Variants in FOCAD observed in about 807,000 individuals in gnomAD.
FOCAD encodes the protein focadhesin, also known as KIAA1797.
In FOCAD, 198 loss-of-function variants were observed where a neutral mutation model predicts 225.6. The observed-to-expected ratio is 0.88, with a 90% CI of 0.78 to 0.99. The LOEUF (loss-of-function observed/expected upper bound fraction) is 0.99. FOCAD is among the 50% of genes least tolerant of loss of function. The pLI, the probability that FOCAD is intolerant of heterozygous loss-of-function variation, is 0.00. For missense variants in FOCAD, 2,713 were observed against 2,123.6 expected (o/e 1.28, Z -5.46); for synonymous variants, 897 against 755.0 (o/e 1.19, Z -3.08).
At chr9:20,663,149 G>A (rs1821785073) in intron 2 of FOCAD, among the ~76,000 whole-genome samples, 1 of 152,110 alleles carries the variant, frequency 6.6e-6, no homozygotes, top group Non-Finnish European at 1.5e-5. Flanking sequence ...CTCTTTGAGA[G>A]GCTGAGGTGG....
chr9:20,969,268 T>C (rs1348978245), intron 35 of FOCAD, among the ~76,000 whole-genome samples: 1 of 152,162 alleles, frequency 6.6e-6, no homozygotes, highest in Non-Finnish European at 1.5e-5. Flanking sequence ...CTGTTCTAGC[T>C]ATGCCAGCTA....
rs973542753 is a variant in FOCAD, at chr9:20,948,314, T to C, written c.3719T>C (p.Leu1240Ser). 2.5e-6 allele frequency: 4 copies of C among 1,612,472 alleles called. No homozygotes were observed. The highest frequency in any genetic ancestry group is 3.4e-6 in the Non-Finnish European group (4 of 1,178,940). Reference protein sequence around the residue: ...ALALGNIVHGLSVCGHGKAED... With the variant: ...ALALGNIVHGSSVCGHGKAED... Reference sequence around the variant, plus strand: ...GCTTTAGGAAACATAGTTCATGGATTGTCTGTGTGTGGACATGGAAAAGCT... The same window carrying C: ...GCTTTAGGAAACATAGTTCATGGATCGTCTGTGTGTGGACATGGAAAAGCT... The change falls in exon 31 of 44, where the codon TTG (leucine) becomes TCG (serine). Residue 1240 changes from leucine to serine, a missense_variant. Physicochemically the swap from Leu to Ser is moderately radical, Grantham distance 145. Transcript: ENST00000338382.
In FOCAD at chr9:20,993,489, T is replaced by C. The variant is rs144760782; in HGVS notation, c.5332+161T>C. Among the ~76,000 whole-genome samples, 3 of 152,340 alleles carry C rather than the reference T, an allele frequency of 2.0e-5. No individual in the cohort carries two copies. The East Asian group carries it at 5.8e-4, about 29-fold the overall frequency. ...TGGATGTTTTTGGATTTGGGTATATTTGAACATACATAAGGAGATGCTTTG... is the reference window on the plus strand; with the variant it reads ...TGGATGTTTTTGGATTTGGGTATATCTGAACATACATAAGGAGATGCTTTG... On this transcript the variant is annotated intron_variant, in intron 43 of 43. Transcript: ENST00000338382.
intron 6 of FOCAD, among the ~76,000 whole-genome samples, chr9:20,762,876 T>C (rs576579776): frequency 6.6e-6 from 1 of 152,264 alleles, no homozygotes; most frequent in African/African-American, 2.4e-5. Flanking sequence ...TTCATGTCTG[T>C]GTGAACCCAA....
At chr9:20,950,695 A>AT (rs941938796) in intron 33 of FOCAD, among the ~76,000 whole-genome samples, 2 of 152,052 alleles carry the variant, frequency 1.3e-5, no homozygotes, top group African/African-American at 4.8e-5. Context: ...TTCTTTTGCA[A>AT]TTTTTTTGAA....
chr9:20,964,222 C>T (rs1839040925), intron 35 of FOCAD, among the ~76,000 whole-genome samples: 1 of 151,870 alleles, frequency 6.6e-6, no homozygotes, highest in African/African-American at 2.4e-5. Flanking sequence ...AAAAAATTAG[C>T]CAGGTATGGT....
intron 14 of FOCAD, 100 bp downstream of exon 14, chr9:20,821,171 T>C (rs1824284859): frequency 1.8e-6 from 2 of 1,105,648 alleles, no homozygotes; most frequent in Non-Finnish European, 2.5e-6. Context: ...AGGCAGAGGA[T>C]ATATAAGTAC....
At chr9:20,715,463 G>A in intron 2 of FOCAD, 53 bp downstream of exon 2, 1 of 1,008,222 alleles carries the variant, frequency 9.9e-7, no homozygotes, top group Non-Finnish European at 1.4e-6. Flanking sequence ...CTGTTCTGTG[G>A]ATTTTTAACT....
intron 35 of FOCAD, among the ~76,000 whole-genome samples, chr9:20,965,540 A>G (rs1213421583): frequency 6.6e-6 from 1 of 152,128 alleles, no homozygotes; most frequent in Non-Finnish European, 1.5e-5. Flanking sequence ...TTTTGGTGAT[A>G]AAATGTATAC....
At chr9:20,892,373 C>T (rs1033052845) in intron 21 of FOCAD, among the ~76,000 whole-genome samples, 9 of 152,152 alleles carry the variant, frequency 5.9e-5, no homozygotes, top group African/African-American at 2.2e-4. Context: ...TGAAAACCTT[C>T]TGGAAAGGAT....
At chr9:20,843,890 C>T (rs955919337) in intron 15 of FOCAD, among the ~76,000 whole-genome samples, 1 of 152,088 alleles carries the variant, frequency 6.6e-6, no homozygotes, top group Admixed American at 6.6e-5. Flanking sequence ...AATTTAAGAA[C>T]CACTTAGGAC....
At chr9:20,685,392 C>CA (rs1822604869) in intron 1 of FOCAD, among the ~76,000 whole-genome samples, 1 of 152,058 alleles carries the variant, frequency 6.6e-6, no homozygotes, top group Admixed American at 6.6e-5. Context: ...ACTGTGTTAA[C>CA]AGGAAGTAAC....
At chr9:20,742,210 C>T (rs748392273) in intron 5 of FOCAD, among the ~76,000 whole-genome samples, 11 of 152,158 alleles carry the variant, frequency 7.2e-5, no homozygotes, top group Non-Finnish European at 7.4e-5. Flanking sequence ...AAGAGACAAA[C>T]ATGGTAACGA....
chr9:20,768,501 C>G (rs546324156), intron 7 of FOCAD, among the ~76,000 whole-genome samples: 5 of 151,128 alleles, frequency 3.3e-5, no homozygotes, highest in East Asian at 3.9e-4. Context: ...CTTTTATTTC[C>G]TTGAGCAGTG....
chr9:20,911,854 C>G (rs1418833459), intron 22 of FOCAD, among the ~76,000 whole-genome samples: 1 of 152,022 alleles, frequency 6.6e-6, no homozygotes, highest in Non-Finnish European at 1.5e-5. Context: ...TATCTTAGAA[C>G]TTTAAAATCA....
chr9:20,910,251 C>G (rs1354958168), intron 22 of FOCAD, among the ~76,000 whole-genome samples: 1 of 152,036 alleles, frequency 6.6e-6, no homozygotes, highest in Non-Finnish European at 1.5e-5. Flanking sequence ...CAGTCTTTAT[C>G]TTGTTACCCT....
At chr9:20,757,820 TAAATG>T (rs2130890941) in intron 5 of FOCAD, among the ~76,000 whole-genome samples, 1 of 152,270 alleles carries the variant, frequency 6.6e-6, no homozygotes, top group East Asian at 1.9e-4. Context: ...ACAGAACTGT[TAAATG>T]GAAGAGTCCA....
chr9:20,790,645 C>T (rs756470384), intron 11 of FOCAD, among the ~76,000 whole-genome samples: 63 of 152,152 alleles, frequency 4.1e-4, no homozygotes, highest in Non-Finnish European at 6.6e-4. Context: ...GTGACATGCA[C>T]CTGTAATCCC....
upstream of FOCAD, chr9:20,684,110 C>G (rs567757801): frequency 0.037 from 5,702 of 152,402 alleles, 133 homozygotes; most frequent in Middle Eastern, 0.11. Context: ...GTGCGCGGCC[C>G]GGGCCTTAGA....
Sources: gnomAD v4.1 joint callset for allele counts (sites outside exome capture counted in the v4.1 genomes callset) on GRCh38, gnomAD v4.1.1 for gene constraint, MANE v1.5 for transcripts, NCBI Gene and HGNC (gene_info 2026-07-23, HGNC 2026-07-21) for gene names.